The following ATP8A2 variants were observed in gnomAD, a reference collection of about 807,000 sequenced individuals.
The protein encoded by ATP8A2 is ATPase phospholipid transporting 8A2.
ATP8A2 carries 100 observed loss-of-function variants against 165.6 expected under a neutral mutation model. The ratio of observed to expected loss-of-function variants is 0.60; its 90% CI spans 0.51 to 0.71. The LOEUF (loss-of-function observed/expected upper bound fraction) is 0.71, where lower values mean the gene tolerates loss of function less well. Ranked by LOEUF, ATP8A2 falls within the 30% of genes least tolerant of loss-of-function variation. The pLI, the probability that ATP8A2 is intolerant of heterozygous loss-of-function variation, is 0.00. For missense variants in ATP8A2, 1,227 were observed against 1,479.5 expected (o/e 0.83, Z 2.80); for synonymous variants, 543 against 548.8 (o/e 0.99, Z 0.15).
At chr13:25,555,832 T>C (rs1261315312) in intron 13 of ATP8A2, among the ~76,000 whole-genome samples, 1 of 152,156 alleles carries the variant, frequency 6.6e-6, no homozygotes, top group East Asian at 1.9e-4. Context: ...TCCTTGAGTA[T>C]GCAATGTTTA....
At chr13:25,942,360 C>T (rs1324407) in intron 33 of ATP8A2, among the ~76,000 whole-genome samples, 63,895 of 152,094 alleles carry the variant, frequency 0.42, 14,484 homozygotes, top group African/African-American at 0.61. Context: ...TGGCTTTTCT[C>T]TAACTTTTTT....
intron 2 of ATP8A2, among the ~76,000 whole-genome samples, chr13:25,508,925 C>T (rs1465225401): frequency 6.6e-6 from 1 of 152,186 alleles, no homozygotes; most frequent in Non-Finnish European, 1.5e-5. Context: ...TCTCATCCTT[C>T]TTCTGTTAGG....
At chr13:25,853,531 C>G (rs1410890287) in intron 30 of ATP8A2, among the ~76,000 whole-genome samples, 1 of 150,878 alleles carries the variant, frequency 6.6e-6, no homozygotes, top group African/African-American at 2.4e-5. Context: ...TGTTTTAGTC[C>G]CTGACTCAAC....
At chr13:25,800,802 A>G (rs1950607289) in intron 27 of ATP8A2, among the ~76,000 whole-genome samples, 1 of 152,006 alleles carries the variant, frequency 6.6e-6, no homozygotes, top group Non-Finnish European at 1.5e-5. Context: ...TCAGTAAGCA[A>G]CAGTGAGAAT....
rs138862595 is a variant in ATP8A2, at chr13:25,501,336, C to T, written c.222-28663C>T. On this transcript the variant is annotated intron_variant, in intron 2 of 36. Coordinates refer to ENST00000381655, the MANE Select transcript of ATP8A2 (RefSeq NM_016529.6). ...TCTGGTTTCCATGAGAAGGGCAAGGCGGGATGAGCAGGTTTAGAATTGGCT... is the reference window on the plus strand; with the variant it reads ...TCTGGTTTCCATGAGAAGGGCAAGGTGGGATGAGCAGGTTTAGAATTGGCT... Among the ~76,000 whole-genome samples, 25 of 152,132 alleles carry T rather than the reference C, an allele frequency of 1.6e-4. No individual in the cohort carries two copies. The East Asian group carries it at 2.3e-3, about 14-fold the overall frequency.
intron 33 of ATP8A2, 78 bp downstream of exon 33, chr13:25,862,486 T>TTTCTCCATGG: frequency 9.0e-7 from 1 of 1,105,176 alleles, no homozygotes. Flanking sequence ...GAGCAGGCAC[T>TTTCTCCATGG]GTGTGTCTTA....
At chr13:25,559,841 AT>A in intron 15 of ATP8A2, 76 bp downstream of exon 15, 1 of 1,148,768 alleles carries the variant, frequency 8.7e-7, no homozygotes, top group Non-Finnish European at 1.3e-6. Flanking sequence ...ATTCATTTAC[AT>A]TTTTAGAGAC....
chr13:25,761,464 A>G (rs1395156910), intron 25 of ATP8A2, among the ~76,000 whole-genome samples: 2 of 152,116 alleles, frequency 1.3e-5, no homozygotes, highest in African/African-American at 4.8e-5. Context: ...GGCTTAAATC[A>G]TTGCACAAAG....
chr13:25,781,350 A>AT (rs904592242), intron 27 of ATP8A2, among the ~76,000 whole-genome samples: 10 of 152,256 alleles, frequency 6.6e-5, no homozygotes, highest in African/African-American at 2.2e-4. Context: ...GAATACTTTG[A>AT]TTTTTTAAAA....
chr13:25,829,090 T>C (rs991921279), intron 28 of ATP8A2, among the ~76,000 whole-genome samples: 3 of 152,150 alleles, frequency 2.0e-5, no homozygotes, highest in African/African-American at 7.2e-5. Flanking sequence ...TCACCCCCCT[T>C]TATTGAATAA....
At chr13:25,690,060 A>G (rs2042690084) in intron 24 of ATP8A2, among the ~76,000 whole-genome samples, 1 of 152,210 alleles carries the variant, frequency 6.6e-6, no homozygotes, top group Non-Finnish European at 1.5e-5. Context: ...TTGGGGGAAA[A>G]ATAAATTAAG....
chr13:25,405,817 C>A (rs1005820605), intron 1 of ATP8A2, among the ~76,000 whole-genome samples: 6 of 152,230 alleles, frequency 3.9e-5, no homozygotes, highest in Non-Finnish European at 8.8e-5. Flanking sequence ...AAGTGCACGT[C>A]CTAGGCAGGA....
chr13:25,468,722 G>T (rs1299603197), intron 1 of ATP8A2: 5 of 564,036 alleles, frequency 8.9e-6, no homozygotes, highest in Non-Finnish European at 1.1e-5. Flanking sequence ...GCTCTCCCGG[G>T]GCGGGGCTCG....
At chr13:25,629,694 T>G (rs1386070694) in intron 24 of ATP8A2, among the ~76,000 whole-genome samples, 3 of 152,140 alleles carry the variant, frequency 2.0e-5, no homozygotes, top group African/African-American at 7.2e-5. Context: ...TTCTTTCTCT[T>G]TGCTCTGTGG....
intron 33 of ATP8A2, chr13:25,944,702 G>A (rs1955161442): frequency 6.6e-6 from 1 of 152,194 alleles, no homozygotes; most frequent in Admixed American, 6.5e-5. Context: ...CTGATCAGTA[G>A]TGGACTCACA....
chr13:25,477,011 A>C (rs2036014165), intron 2 of ATP8A2, among the ~76,000 whole-genome samples: 1 of 152,168 alleles, frequency 6.6e-6, no homozygotes, highest in South Asian at 2.1e-4. Context: ...TAACCATTGA[A>C]TGTGTGAGCT....
intron 24 of ATP8A2, among the ~76,000 whole-genome samples, chr13:25,688,102 T>C (rs1317505177): frequency 6.7e-6 from 1 of 149,688 alleles, no homozygotes; most frequent in Non-Finnish European, 1.5e-5. Context: ...GATCTTTGGC[T>C]GTTTTCGTGC....
chr13:25,907,058 C>T (rs369962850), intron 33 of ATP8A2, among the ~76,000 whole-genome samples: 1 of 152,106 alleles, frequency 6.6e-6, no homozygotes, highest in African/African-American at 2.4e-5. Context: ...GGTGAAACCC[C>T]GTCTCTACCA....
At chr13:25,431,006 A>G (rs1261579911) in intron 1 of ATP8A2, among the ~76,000 whole-genome samples, 1 of 151,782 alleles carries the variant, frequency 6.6e-6, no homozygotes, top group Non-Finnish European at 1.5e-5. Flanking sequence ...ACACACACAC[A>G]CACACATATA....
Sources: allele counts gnomAD v4.1 joint callset (sites outside exome capture counted in the v4.1 genomes callset), GRCh38; gene constraint gnomAD v4.1.1; transcripts MANE v1.5; gene names NCBI Gene and HGNC (gene_info 2026-07-23, HGNC 2026-07-21).